Variants in PCDHA1 observed in about 807,000 individuals in gnomAD.
PCDHA1 encodes protocadherin alpha 1, also known as protocadherin alpha-1.
PCDHA1 carries 42 observed loss-of-function variants against 61.3 expected under a neutral mutation model. The observed-to-expected ratio is 0.69, with a 90% CI of 0.54 to 0.89. The LOEUF (loss-of-function observed/expected upper bound fraction) is 0.89. Ranked by LOEUF, PCDHA1 falls within the 40% of genes least tolerant of loss-of-function variation. The pLI is 0.00. For missense variants in PCDHA1, 1,256 were observed against 1,235.3 expected (o/e 1.02, Z -0.25); for synonymous variants, 610 against 553.8 (o/e 1.10, Z -1.43).
intron 1 of PCDHA1, chr5:140,850,632 C>T (rs2150491641): frequency 6.3e-7 from 1 of 1,598,646 alleles, no homozygotes. Flanking sequence ...CCTGTTGGTT[C>T]TCACGCTGCT....
intron 1 of PCDHA1, chr5:140,811,587 A>C (rs1764911174): frequency 6.6e-6 from 1 of 152,186 alleles, no homozygotes; most frequent in South Asian, 2.1e-4. Flanking sequence ...TGTCTTCCAC[A>C]ATGGTTGAAC....
At chr5:140,831,279 C>T (rs1046790636) in intron 1 of PCDHA1, 1 of 152,150 alleles carries the variant, frequency 6.6e-6, no homozygotes, top group African/African-American at 2.4e-5. Flanking sequence ...TGATGGTCTT[C>T]TCTTCATGGA....
chr5:140,841,845 A>G, intron 1 of PCDHA1: 1 of 1,613,930 alleles, frequency 6.2e-7, no homozygotes, highest in Non-Finnish European at 8.5e-7. Context: ...CTTAGCTCTC[A>G]TGATTACTTC....
In PCDHA1 at chr5:140,850,114, C is replaced by G. The variant is rs1286583620; in HGVS notation, c.2394+61430C>G. ...CAGTTCCAGGTGAGCGCGCGCGACG[C>G]GGGCGTGCCGCCTCTGGGCAGCAAC... On this transcript the variant is annotated intron_variant, in intron 1 of 3. Coordinates refer to ENST00000504120, the MANE Select transcript of PCDHA1 (RefSeq NM_018900.4). 9 of 1,595,876 alleles carry G rather than the reference C, an allele frequency of 5.6e-6. 1 individual carries two copies. The highest frequency in any genetic ancestry group is 1.1e-5 in the South Asian group (1 of 90,494).
chr5:140,908,308 G>A (rs1011025623), intron 1 of PCDHA1, among the ~76,000 whole-genome samples: 19 of 152,170 alleles, frequency 1.2e-4, no homozygotes, highest in African/African-American at 4.6e-4. Context: ...AAGGAAGGGC[G>A]GCAGGAGTGG....
chr5:140,905,472 C>T (rs782287736), intron 1 of PCDHA1, among the ~76,000 whole-genome samples: 14 of 152,042 alleles, frequency 9.2e-5, no homozygotes, highest in Non-Finnish European at 1.6e-4. Flanking sequence ...TAATGTGATG[C>T]CTTCAGATTT....
intron 1 of PCDHA1, chr5:140,882,748 A>C: frequency 1.2e-6 from 2 of 1,614,258 alleles, no homozygotes; most frequent in Non-Finnish European, 1.7e-6. Flanking sequence ...CATCCGATGC[A>C]GATATTGGAG....
In PCDHA1 at chr5:140,968,377, T is replaced by C. The variant is rs1461765123; in HGVS notation, c.2395-10572T>C. 2.5e-6 allele frequency: 4 copies of C among 1,613,962 alleles called. No individual in the cohort carries two copies. In the African/African-American group the frequency reaches 4.0e-5, roughly 16 times the overall value. ...GCAGCCTTTATGCTGTCAACTCCTT[T>C]GACTATGAGAAGTTTCGGGAGTTCT... On this transcript the variant is annotated intron_variant, in intron 1 of 3. Transcript: ENST00000504120.
chr5:140,876,077 G>C, intron 1 of PCDHA1: 4 of 1,613,956 alleles, frequency 2.5e-6, no homozygotes, highest in Non-Finnish European at 3.4e-6. Flanking sequence ...TTATTGGACA[G>C]AGAGCAAACG....
chr5:140,972,411 G>A (rs1258321444), intron 1 of PCDHA1, among the ~76,000 whole-genome samples: 1 of 151,680 alleles, frequency 6.6e-6, no homozygotes, highest in Non-Finnish European at 1.5e-5. Flanking sequence ...GGCAAACCCT[G>A]TTAAGATCTT....
chr5:140,926,919 A>G, intron 1 of PCDHA1: 9 of 1,566,668 alleles, frequency 5.7e-6, no homozygotes, highest in Non-Finnish European at 7.8e-6. Flanking sequence ...TGGCAGTTTT[A>G]TGTTTGTGGG....
intron 1 of PCDHA1, chr5:140,877,160 C>G: frequency 6.2e-7 from 1 of 1,613,814 alleles, no homozygotes; most frequent in Non-Finnish European, 8.5e-7. Flanking sequence ...GACAACGCGC[C>G]GGCACTGCTG....
rs1278846442 is a variant in PCDHA1, at chr5:140,796,447, G to A, written c.2394+7763G>A. The A allele has an allele frequency of 6.2e-7, 1 of 1,613,086 alleles. No homozygotes were observed. The highest frequency in any genetic ancestry group is 1.7e-5 in the Admixed American group (1 of 60,000). ...GAACGCGCTGGTGTCCTACTCGCTG[G>A]TGGAGCGGCGGGTGGGCGAGCGCGC... On this transcript the variant is annotated intron_variant, in intron 1 of 3. Transcript: ENST00000504120.
At chr5:140,803,229 G>A (rs782531842) in intron 1 of PCDHA1, 3 of 1,613,826 alleles carry the variant, frequency 1.9e-6, no homozygotes, top group East Asian at 2.2e-5. Flanking sequence ...GGCACCCAAG[G>A]CCTCGTCCCA....
intron 3 of PCDHA1, among the ~76,000 whole-genome samples, chr5:140,999,235 T>C (rs1407252981): frequency 6.6e-6 from 1 of 152,154 alleles, no homozygotes; most frequent in Non-Finnish European, 1.5e-5. Context: ...GAATAGGTGG[T>C]TAAAGTGGGA....
In PCDHA1 at chr5:140,846,371, T is replaced by C. The variant is rs1395202174; in HGVS notation, c.2394+57687T>C. On this transcript the variant is annotated intron_variant, in intron 1 of 3. Transcript: ENST00000504120. ...CTCTTTTTTCTTTTCTTTTCTTTCTTTCTTTTTTTTTTTTTTTTTTTGAGA... is the reference window on the plus strand; with the variant it reads ...CTCTTTTTTCTTTTCTTTTCTTTCTCTCTTTTTTTTTTTTTTTTTTTGAGA... Among the ~76,000 whole-genome samples the C allele has an allele frequency of 3.6e-5, 4 of 111,996 alleles. 2 individuals carry two copies. Among genetic ancestry groups the C allele is most frequent in the Non-Finnish European group, 7.2e-5 (4 of 55,194 alleles). 73.5% of individuals were successfully genotyped at this position (111,996 alleles called of 152,430 possible).
At chr5:140,794,865 G>T (rs782230861) in intron 1 of PCDHA1, 39 of 1,298,108 alleles carry the variant, frequency 3.0e-5, no homozygotes, top group Non-Finnish European at 3.9e-5. Flanking sequence ...TCAGAGAAGC[G>T]GAGGAATAAG....
intron 3 of PCDHA1, among the ~76,000 whole-genome samples, chr5:140,992,995 A>C (rs1347087034): frequency 2.0e-5 from 3 of 152,202 alleles, no homozygotes; most frequent in African/African-American, 7.2e-5. Context: ...GACCCATGAA[A>C]GAGCCTCCCC....
intron 3 of PCDHA1, among the ~76,000 whole-genome samples, chr5:140,983,425 C>A (rs1252010683): frequency 6.6e-6 from 1 of 152,198 alleles, no homozygotes; most frequent in Non-Finnish European, 1.5e-5. Context: ...GTAGAGACCA[C>A]AAATTGTGTC....
Sources: allele counts gnomAD v4.1 joint callset (sites outside exome capture counted in the v4.1 genomes callset), GRCh38; gene constraint gnomAD v4.1.1; transcripts MANE v1.5; gene names NCBI Gene and HGNC (gene_info 2026-07-23, HGNC 2026-07-21).